SLC14A2: variants seen among roughly 807,000 people sequenced by gnomAD.
SLC14A2 encodes solute carrier family 14 member 2, also known as urea transporter 2.
In SLC14A2, 91 loss-of-function variants were observed where a neutral mutation model predicts 104.6. The ratio of observed to expected loss-of-function variants is 0.87; its 90% CI spans 0.73 to 1.04. The LOEUF is 1.04. SLC14A2 is among the 50% of genes least tolerant of loss of function. The probability of loss-of-function intolerance (pLI) is 0.00; values close to 1 mark genes in which losing one functional copy is unlikely to be tolerated. For synonymous variants in SLC14A2, 476 were observed against 466.4 expected (o/e 1.02, Z -0.27); for missense variants, 1,189 against 1,156.0 (o/e 1.03, Z -0.41).
At chr18:45,351,314 T>C (rs1249055037) in intron 1 of SLC14A2, among the ~76,000 whole-genome samples, 1 of 152,152 alleles carries the variant, frequency 6.6e-6, no homozygotes, top group African/African-American at 2.4e-5. Context: ...CCTCATTTTT[T>C]TCCCATGCAA....
intron 1 of SLC14A2, among the ~76,000 whole-genome samples, chr18:45,480,101 C>T (rs1236900444): frequency 6.6e-6 from 1 of 152,038 alleles, no homozygotes; most frequent in Admixed American, 6.6e-5. Flanking sequence ...CCCATAAGTG[C>T]CCCCAAAACA....
chr18:45,573,484 A>C (rs906365476), intron 2 of SLC14A2, among the ~76,000 whole-genome samples: 5 of 152,262 alleles, frequency 3.3e-5, no homozygotes, highest in African/African-American at 9.6e-5. Context: ...ATAAGTTACA[A>C]ATAAAAACTC....
At chr18:45,528,171 G>A (rs886876575) in intron 2 of SLC14A2, 1 of 81,144 alleles carries the variant, frequency 1.2e-5, no homozygotes, top group Non-Finnish European at 2.7e-5. Flanking sequence ...CAACACCTGT[G>A]TGTGTGTGTG....
At chr18:45,394,597 G>A (rs1396514627) in intron 1 of SLC14A2, among the ~76,000 whole-genome samples, 1 of 152,096 alleles carries the variant, frequency 6.6e-6, no homozygotes, top group Non-Finnish European at 1.5e-5. Flanking sequence ...TTTCCCTGAT[G>A]ATTAGTGATA....
chr18:45,182,741 A>T, the SLC14A2 span, among the ~76,000 whole-genome samples: 1 of 152,166 alleles, frequency 6.6e-6, no homozygotes, highest in Admixed American at 6.5e-5. Flanking sequence ...CTATAGTTTC[A>T]TTAAGAAAAA....
intron 2 of SLC14A2, among the ~76,000 whole-genome samples, chr18:45,539,886 GAA>G (rs915826673): frequency 2.2e-5 from 3 of 137,088 alleles, no homozygotes; most frequent in East Asian, 2.1e-4. Flanking sequence ...GAAAAAAAAT[GAA>G]AAGAGTAAAA....
intron 1 of SLC14A2, among the ~76,000 whole-genome samples, chr18:45,352,662 C>A (rs538270284): frequency 2.0e-5 from 3 of 151,502 alleles, no homozygotes; most frequent in Non-Finnish European, 2.9e-5. Flanking sequence ...ACAAGTGACA[C>A]CAAAGGAAAA....
In SLC14A2 at chr18:45,682,347, T is replaced by C; in HGVS notation, c.2591T>C (p.Phe864Ser). 1 of 1,614,150 alleles carries C rather than the reference T, an allele frequency of 6.2e-7. No homozygotes were observed. Among genetic ancestry groups the C allele is most frequent in the Non-Finnish European group, 8.5e-7 (1 of 1,180,034 alleles). ...VFGLPPCTWP[F>S]CLSALTFLLL... The stretch of plus-strand genomic sequence containing the variant: ...GGATTGCCGCCCTGCACTTGGCCCT[T>C]CTGTCTCTCAGCTCTCACCTTCCTG... Residue 864 changes from phenylalanine to serine, a missense_variant, in exon 20 of 20, where the codon TTC (phenylalanine) becomes TCC (serine). Coordinates refer to ENST00000255226, the MANE Select transcript of SLC14A2 (RefSeq NM_007163.4).
At chr18:45,176,992 T>TAA in the SLC14A2 span, among the ~76,000 whole-genome samples, 1 of 152,156 alleles carries the variant, frequency 6.6e-6, no homozygotes, top group East Asian at 1.9e-4. Flanking sequence ...GCAATCTTAC[T>TAA]AAAAATAACC....
intron 1 of SLC14A2, among the ~76,000 whole-genome samples, chr18:45,226,252 A>T (rs1468637305): frequency 1.3e-5 from 2 of 152,200 alleles, no homozygotes; most frequent in Non-Finnish European, 2.9e-5. Context: ...GCTGTGGAAG[A>T]CAGTGTGGTG....
intron 18 of SLC14A2, 82 bp from the exon 19 acceptor site, chr18:45,678,893 G>T: frequency 7.9e-7 from 1 of 1,261,636 alleles, no homozygotes; most frequent in East Asian, 2.4e-5. Flanking sequence ...TAAAATTGAT[G>T]GGAAGAGAAT....
At position 45,227,267 on chromosome 18, in the gene SLC14A2, C is replaced by G. The variant is rs74691021; in HGVS notation, c.-125+14076C>G. On this transcript the variant is annotated intron_variant, in intron 1 of 20. Coordinates refer to the SLC14A2 transcript ENST00000586448. ...ATGGCTTTTTGCAACTACTTCACAG[C>G]AAAAATGTGAGCTGGGCATTGGATG... is the stretch of plus-strand genomic sequence containing the variant. Among the ~76,000 whole-genome samples, 967 of 152,146 alleles carry G rather than the reference C, an allele frequency of 6.4e-3. 20 individuals are homozygous for G. Among genetic ancestry groups the G allele is most frequent in the African/African-American group, 0.022 (915 of 41,494 alleles).
At chr18:45,510,678 AG>A (rs2043354101) in intron 2 of SLC14A2, among the ~76,000 whole-genome samples, 1 of 152,004 alleles carries the variant, frequency 6.6e-6, no homozygotes, top group Non-Finnish European at 1.5e-5. Context: ...ACCCACCGAG[AG>A]AGGCATAGAG....
At chr18:45,346,752 G>A (rs9956522) in intron 1 of SLC14A2, among the ~76,000 whole-genome samples, 389 of 151,720 alleles carry the variant, frequency 2.6e-3, no homozygotes, top group African/African-American at 8.8e-3. Flanking sequence ...GATGAAACCC[G>A]GCCAACATGG....
At chr18:45,243,004 T>C (rs2084332996) in intron 1 of SLC14A2, among the ~76,000 whole-genome samples, 1 of 152,222 alleles carries the variant, frequency 6.6e-6, no homozygotes, top group Non-Finnish European at 1.5e-5. Context: ...AACCTTTTTG[T>C]ACTGAGCTCC....
At chr18:45,321,326 G>A (rs779088832) in intron 1 of SLC14A2, among the ~76,000 whole-genome samples, 8 of 152,176 alleles carry the variant, frequency 5.3e-5, no homozygotes, top group Non-Finnish European at 1.2e-4. Flanking sequence ...CAGAAATATT[G>A]TCATACGATT....
chr18:45,608,130 A>G (rs60842193), intron 2 of SLC14A2, among the ~76,000 whole-genome samples: 4,463 of 152,330 alleles, frequency 0.029, 219 homozygotes, highest in African/African-American at 0.099. Context: ...ACTGGTACAT[A>G]ATAGGTGCTC....
intron 1 of SLC14A2, among the ~76,000 whole-genome samples, chr18:45,376,725 G>C (rs1299732574): frequency 6.6e-6 from 1 of 152,142 alleles, no homozygotes; most frequent in Non-Finnish European, 1.5e-5. Flanking sequence ...ATGACTCTGT[G>C]AGCCAAGGCA....
upstream of SLC14A2, among the ~76,000 whole-genome samples, chr18:45,612,558 G>C (rs1019077760): frequency 1.3e-5 from 2 of 152,206 alleles, no homozygotes; most frequent in African/African-American, 4.8e-5. Flanking sequence ...CAACTTGCAT[G>C]CATTATTTCT....
Sources: allele counts gnomAD v4.1 joint callset (sites outside exome capture counted in the v4.1 genomes callset), GRCh38; gene constraint gnomAD v4.1.1; transcripts MANE v1.5; gene names NCBI Gene and HGNC (gene_info 2026-07-23, HGNC 2026-07-21).